The following RPS6KC1 variants were observed in gnomAD, a reference collection of about 807,000 sequenced individuals.
RPS6KC1 encodes the protein inactive ribosomal protein S6 kinase delta-1.
Under a neutral mutation model 103.8 loss-of-function variants are expected in RPS6KC1, and 54 were observed. The ratio of observed to expected loss-of-function variants is 0.52; its 90% CI spans 0.42 to 0.65. The LOEUF (loss-of-function observed/expected upper bound fraction) is 0.65, where lower values mean the gene tolerates loss of function less well. Among genes scored for constraint, RPS6KC1 ranks in the 30% least tolerant of loss-of-function variants. RPS6KC1 has a pLI of 0.00. For synonymous variants in RPS6KC1, 439 were observed against 438.7 expected (o/e 1.00, Z -0.01); for missense variants, 1,151 against 1,253.8 (o/e 0.92, Z 1.24).
rs183962195 is a variant in RPS6KC1, at chr1:213,222,973, A to G, written c.1045-7524A>G. Reference sequence around the variant, plus strand: ...TTTGAAAGAGAGTGTAGCAAGTACAATCATGTTCACATGAAAGTATGTTGG... The same window carrying G: ...TTTGAAAGAGAGTGTAGCAAGTACAGTCATGTTCACATGAAAGTATGTTGG... On this transcript the variant is annotated intron_variant, in intron 8 of 14. Transcript: ENST00000366960. 2.1e-3 allele frequency among the ~76,000 whole-genome samples: 327 copies of G among 152,336 alleles called. 1 individual carries two copies. Among genetic ancestry groups the G allele is most frequent in the Non-Finnish European group, 3.2e-3 (218 of 68,020 alleles).
rs182598268 is a variant in RPS6KC1 at position 213,273,585 on chromosome 1, C to A, written c.*951C>A. On this transcript the variant is annotated 3_prime_UTR_variant, in exon 15 of 15. Coordinates refer to ENST00000366960, the MANE Select transcript of RPS6KC1 (RefSeq NM_012424.6). ...GCTTCTCATGCTTGACTTTGTTTTA[C>A]TTTTTGGCTTGGTATACTAAGAAGC... The A allele has an allele frequency of 1.3e-5, 2 of 152,366 alleles. No individual in the cohort carries two copies. The highest frequency in any genetic ancestry group is 3.9e-4 in the East Asian group (2 of 5,144). The allele number at this position is 152,366 out of a possible 1,614,324, so 9.4% of individuals were successfully genotyped here. A position where few individuals can be genotyped will look rare whatever the true frequency, so the allele number is the denominator to read the frequency against.
the RPS6KC1 span, among the ~76,000 whole-genome samples, chr1:213,789,223 TTCTTC>T: frequency 6.6e-6 from 1 of 152,192 alleles, no homozygotes; most frequent in Non-Finnish European, 1.5e-5. Context: ...AATTATGTCT[TTCTTC>T]TCTTCTAGAC....
the RPS6KC1 span, among the ~76,000 whole-genome samples, chr1:213,517,304 C>G: frequency 6.6e-6 from 1 of 152,020 alleles, no homozygotes; most frequent in East Asian, 1.9e-4. Context: ...TTCTCTAGTT[C>G]TTTTAATTGT....
the RPS6KC1 span, among the ~76,000 whole-genome samples, chr1:213,331,659 AG>A: frequency 6.6e-6 from 1 of 152,234 alleles, no homozygotes; most frequent in African/African-American, 2.4e-5. Flanking sequence ...CCAGACAGGC[AG>A]GGAGAGCTGT....
intron 3 of RPS6KC1, among the ~76,000 whole-genome samples, chr1:213,098,725 G>A (rs139531646): frequency 2.6e-5 from 4 of 152,130 alleles, no homozygotes; most frequent in African/African-American, 4.8e-5. Context: ...ACTGATCATA[G>A]ATCACTACAA....
chr1:213,682,676 T>C, the RPS6KC1 span, among the ~76,000 whole-genome samples: 1 of 152,234 alleles, frequency 6.6e-6, no homozygotes, highest in Admixed American at 6.5e-5. Context: ...TTCTTTTGAG[T>C]TCACTCATAA....
At chr1:213,818,733 T>C in the RPS6KC1 span, 1 of 152,214 alleles carries the variant, frequency 6.6e-6, no homozygotes, top group Non-Finnish European at 1.5e-5. Context: ...CCTGCACAGA[T>C]GGATGAAACC....
At chr1:213,493,811 A>G in the RPS6KC1 span, among the ~76,000 whole-genome samples, 2 of 152,234 alleles carry the variant, frequency 1.3e-5, no homozygotes, top group African/African-American at 4.8e-5. Flanking sequence ...CCTGTAGGGA[A>G]ATACAGAGAG....
the RPS6KC1 span, among the ~76,000 whole-genome samples, chr1:213,361,339 C>T: frequency 5.3e-5 from 8 of 152,372 alleles, no homozygotes; most frequent in African/African-American, 1.4e-4. Flanking sequence ...GCTCCGTGGG[C>T]GTGGGACCCT....
At chr1:213,176,274 C>G (rs2091861253) in intron 7 of RPS6KC1, 126 bp from the exon 8 acceptor site, 1 of 499,288 alleles carries the variant, frequency 2.0e-6, no homozygotes, top group Admixed American at 3.1e-5. Context: ...AAACTTCTTC[C>G]TTTCATCTTT....
chr1:213,121,188 G>A (rs2084344310), intron 5 of RPS6KC1, among the ~76,000 whole-genome samples: 1 of 152,150 alleles, frequency 6.6e-6, no homozygotes, highest in Non-Finnish European at 1.5e-5. Context: ...CCTGGCCTTG[G>A]CCTCCCAAAG....
In RPS6KC1 at chr1:213,146,032, C is replaced by A. The variant is rs115289180; in HGVS notation, c.835+16143C>A. On this transcript the variant is annotated intron_variant, in intron 6 of 14. Transcript: ENST00000366960. Reference sequence around the variant, plus strand: ...TCATCCCACCTCCCTGTAACCCCCCCACTACCCTTCCCAGACTCTGGTAAC... The same window carrying A: ...TCATCCCACCTCCCTGTAACCCCCCAACTACCCTTCCCAGACTCTGGTAAC... Among the ~76,000 whole-genome samples, 1,383 of 144,722 alleles carry A rather than the reference C, an allele frequency of 9.6e-3. 17 individuals carry two copies. Among genetic ancestry groups the A allele is most frequent in the African/African-American group, 0.034 (1,315 of 38,722 alleles). The allele number at this position is 144,722 out of a possible 152,430, so 94.9% of individuals were successfully genotyped here. A position where few individuals can be genotyped will look rare whatever the true frequency, so the allele number is the denominator to read the frequency against.
chr1:213,051,316 C>CCG lies in RPS6KC1; in HGVS notation c.-87_-86dup, dbSNP rs2076922430. 1 of 980,724 alleles carries CCG rather than the reference C, an allele frequency of 1.0e-6. No homozygotes were observed. The highest frequency in any genetic ancestry group is 2.0e-5 in the Admixed American group (1 of 49,466). 60.8% of individuals were successfully genotyped at this position (980,724 alleles called of 1,614,324 possible). On this transcript the variant is annotated 5_prime_UTR_variant, in exon 1 of 15. Transcript: ENST00000366960. ...GAGCCACCGCCCCCTCGCCGCTTCGCCGCTGCGTTGGGGAACCTGGACCGC... is the reference window on the plus strand; with the variant it reads ...GAGCCACCGCCCCCTCGCCGCTTCGCCGCGCTGCGTTGGGGAACCTGGACCGC...
chr1:213,394,766 C>T, the RPS6KC1 span, among the ~76,000 whole-genome samples: 1 of 152,180 alleles, frequency 6.6e-6, no homozygotes, highest in East Asian at 1.9e-4. Flanking sequence ...TGGATATGCT[C>T]TTACTCTCTC....
the RPS6KC1 span, among the ~76,000 whole-genome samples, chr1:213,855,665 T>C: frequency 1.3e-5 from 2 of 152,216 alleles, no homozygotes; most frequent in African/African-American, 4.8e-5. Context: ...GACCATCTTA[T>C]TACCTCATAC....
At chr1:213,345,866 G>A in the RPS6KC1 span, among the ~76,000 whole-genome samples, 1 of 152,212 alleles carries the variant, frequency 6.6e-6, no homozygotes, top group Non-Finnish European at 1.5e-5. Context: ...AAGTGGCCTG[G>A]TCTTTCTTCT....
chr1:213,462,091 A>G, the RPS6KC1 span, among the ~76,000 whole-genome samples: 3 of 152,172 alleles, frequency 2.0e-5, no homozygotes, highest in Non-Finnish European at 4.4e-5. Flanking sequence ...CCCCATCAAA[A>G]AGTGGGCAAA....
chr1:213,162,551 G>A (rs917171320), intron 6 of RPS6KC1, among the ~76,000 whole-genome samples: 1 of 152,162 alleles, frequency 6.6e-6, no homozygotes, highest in Non-Finnish European at 1.5e-5. Flanking sequence ...TCACAGTGCT[G>A]AGATTACAGG....
chr1:213,854,639 G>T, the RPS6KC1 span, among the ~76,000 whole-genome samples: 2 of 146,094 alleles, frequency 1.4e-5, no homozygotes, highest in Admixed American at 7.0e-5. Context: ...TGATTTAATG[G>T]TACTACTTTC....
Sources: allele counts gnomAD v4.1 joint callset (sites outside exome capture counted in the v4.1 genomes callset), GRCh38; gene constraint gnomAD v4.1.1; transcripts MANE v1.5; gene names NCBI Gene and HGNC (gene_info 2026-07-23, HGNC 2026-07-21).